Variants in HS6ST3 observed in about 807,000 individuals in gnomAD.
HS6ST3 encodes the protein heparan-sulfate 6-O-sulfotransferase 3.
Under a neutral mutation model 36.7 loss-of-function variants are expected in HS6ST3, and 12 were observed. The ratio of observed to expected loss-of-function variants is 0.33; its 90% CI spans 0.21 to 0.53. The LOEUF (loss-of-function observed/expected upper bound fraction) is 0.53, where lower values mean the gene tolerates loss of function less well. Ranked by LOEUF, HS6ST3 falls within the 20% of genes least tolerant of loss-of-function variation. The pLI, the probability that HS6ST3 is intolerant of heterozygous loss-of-function variation, is 0.95. For synonymous variants in HS6ST3, 240 were observed against 257.5 expected, an observed-to-expected ratio of 0.93 and a Z score of 0.65; for missense variants, 584 against 640.9, an observed-to-expected ratio of 0.91 and a Z score of 0.96.
chr13:96,364,576 A>G (rs1285338374), intron 1 of HS6ST3, among the ~76,000 whole-genome samples: 1 of 152,176 alleles, frequency 6.6e-6, no homozygotes, highest in Admixed American at 6.5e-5. Context: ...AGAGAAAAAA[A>G]GTAGAATGGA....
Position 96,590,592 on chromosome 13 carries a change from C to T in HS6ST3, c.708-241898C>T, listed in dbSNP as rs191522240. ...CTCCTTTTATATTCTAGTTATTAAT[C>T]CATTATTAGATGGGTATTCTGCAGA... On this transcript the variant is annotated intron_variant, in intron 1 of 1. Coordinates refer to ENST00000376705, the MANE Select transcript of HS6ST3 (RefSeq NM_153456.4). Among the ~76,000 whole-genome samples the T allele has an allele frequency of 4.9e-3, 747 of 151,392 alleles. 10 individuals are homozygous for T. Among genetic ancestry groups the T allele is most frequent in the African/African-American group, 0.017 (698 of 41,308 alleles).
At chr13:96,312,951 CAAAAA>C (rs754098470) in intron 1 of HS6ST3, among the ~76,000 whole-genome samples, 8,909 of 81,358 alleles carry the variant, frequency 0.11, 251 homozygotes, top group Middle Eastern at 0.18. Context: ...GACCCTGTCT[CAAAAA>C]AAAAAAAAAA....
intron 1 of HS6ST3, among the ~76,000 whole-genome samples, chr13:96,708,406 C>T (rs982827818): frequency 6.6e-6 from 1 of 152,126 alleles, no homozygotes; most frequent in Non-Finnish European, 1.5e-5. Context: ...TGAGAATACC[C>T]CAATCTCTTT....
At chr13:96,143,171 A>G (rs1049496994) in intron 1 of HS6ST3, among the ~76,000 whole-genome samples, 15 of 152,140 alleles carry the variant, frequency 9.9e-5, no homozygotes, top group Admixed American at 9.2e-4. Context: ...GCAGCCATCA[A>G]ATGCCTCACT....
chr13:96,113,978 G>A (rs947787607), intron 1 of HS6ST3, among the ~76,000 whole-genome samples: 29 of 151,934 alleles, frequency 1.9e-4, no homozygotes, highest in Non-Finnish European at 3.2e-4. Context: ...CCGCGTATTA[G>A]GATATGTTTG....
intron 1 of HS6ST3, among the ~76,000 whole-genome samples, chr13:96,189,277 C>T (rs2054278356): frequency 6.6e-6 from 1 of 151,688 alleles, no homozygotes; most frequent in Non-Finnish European, 1.5e-5. Context: ...GAGTGGGGGC[C>T]GAATACAGGA....
intron 1 of HS6ST3, among the ~76,000 whole-genome samples, chr13:96,261,420 G>A (rs2054666119): frequency 6.6e-6 from 1 of 152,008 alleles, no homozygotes. Context: ...AGGGCATATG[G>A]AACTGTGAAT....
At chr13:96,557,206 G>A (rs1254532777) in intron 1 of HS6ST3, among the ~76,000 whole-genome samples, 10 of 152,276 alleles carry the variant, frequency 6.6e-5, no homozygotes, top group African/African-American at 2.4e-4. Context: ...GTACCTGTGA[G>A]GTGGGTCTTG....
chr13:96,532,182 C>G (rs1162941140), intron 1 of HS6ST3, among the ~76,000 whole-genome samples: 2 of 152,112 alleles, frequency 1.3e-5, no homozygotes, highest in African/African-American at 4.8e-5. Context: ...AACTGAGTCC[C>G]CTATACTTCT....
chr13:96,406,329 T>G (rs1002861102), intron 1 of HS6ST3, among the ~76,000 whole-genome samples: 41 of 152,362 alleles, frequency 2.7e-4, no homozygotes, highest in East Asian at 3.9e-4. Flanking sequence ...TACCGATTTC[T>G]TTGTTCTCAA....
intron 1 of HS6ST3, among the ~76,000 whole-genome samples, chr13:96,270,788 G>A (rs1427912769): frequency 1.3e-5 from 2 of 151,908 alleles, no homozygotes; most frequent in Admixed American, 1.3e-4. Flanking sequence ...GGAGCTCAAT[G>A]TCATACCCTC....
At chr13:96,366,777 T>G (rs375159089) in intron 1 of HS6ST3, among the ~76,000 whole-genome samples, 1 of 152,170 alleles carries the variant, frequency 6.6e-6, no homozygotes, top group Non-Finnish European at 1.5e-5. Context: ...AATCTCACCT[T>G]GAATTGTAAT....
chr13:96,526,140 C>G (rs1448908743), intron 1 of HS6ST3, among the ~76,000 whole-genome samples: 1 of 152,096 alleles, frequency 6.6e-6, no homozygotes, highest in African/African-American at 2.4e-5. Context: ...ATTTTGGGAA[C>G]TACAGCTTGT....
intron 1 of HS6ST3, among the ~76,000 whole-genome samples, chr13:96,811,034 T>C (rs1255245523): frequency 6.7e-6 from 1 of 150,182 alleles, no homozygotes; most frequent in Non-Finnish European, 1.5e-5. Flanking sequence ...AATGGGTCTG[T>C]TTAGGACAAG....
intron 1 of HS6ST3, among the ~76,000 whole-genome samples, chr13:96,754,719 T>G (rs1876781498): frequency 6.6e-6 from 1 of 152,212 alleles, no homozygotes; most frequent in Admixed American, 6.5e-5. Context: ...TGACTCTCAG[T>G]CTAATTGTTT....
At chr13:96,707,744 A>G (rs1875463305) in intron 1 of HS6ST3, among the ~76,000 whole-genome samples, 2 of 152,180 alleles carry the variant, frequency 1.3e-5, no homozygotes, top group Non-Finnish European at 2.9e-5. Flanking sequence ...AGATGCCCTG[A>G]CAATCCTAGT....
In HS6ST3 at chr13:96,294,343, T is replaced by C. The variant is rs142758941; in HGVS notation, c.707+202774T>C. On this transcript the variant is annotated intron_variant, in intron 1 of 1. Coordinates refer to ENST00000376705, the MANE Select transcript of HS6ST3 (RefSeq NM_153456.4). ...CAGTAAGTCTATACACTTATATTCC[T>C]AGTGTATGGTATAAAGAAATAATTC... Among the ~76,000 whole-genome samples the C allele has an allele frequency of 9.3e-4, 141 of 152,304 alleles. 1 individual carries two copies. Among genetic ancestry groups the C allele is most frequent in the South Asian group, 1.9e-3 (9 of 4,826 alleles).
intron 1 of HS6ST3, among the ~76,000 whole-genome samples, chr13:96,678,287 A>C (rs2056706203): frequency 6.6e-6 from 1 of 152,196 alleles, no homozygotes; most frequent in Non-Finnish European, 1.5e-5. Context: ...ACACCTGCCA[A>C]CAGTATTGTT....
intron 1 of HS6ST3, among the ~76,000 whole-genome samples, chr13:96,580,714 C>G (rs1230366270): frequency 1.3e-5 from 2 of 151,968 alleles, no homozygotes; most frequent in African/African-American, 2.4e-5. Flanking sequence ...ATATTGTTTT[C>G]TATGTACTCA....
Sources: allele counts gnomAD v4.1 joint callset (sites outside exome capture counted in the v4.1 genomes callset), GRCh38; gene constraint gnomAD v4.1.1; transcripts MANE v1.5; gene names NCBI Gene and HGNC (gene_info 2026-07-23, HGNC 2026-07-21).